LARP4B: variants seen among roughly 807,000 people sequenced by gnomAD.
LARP4B encodes the protein La ribonucleoprotein 4B.
LARP4B carries 12 observed loss-of-function variants against 89.8 expected under a neutral mutation model. The ratio of observed to expected loss-of-function variants is 0.13; its 90% confidence interval spans 0.09 to 0.22. The LOEUF is 0.22. LARP4B is among the 10% of genes least tolerant of loss of function. The pLI is 1.00. For synonymous variants in LARP4B, 367 were observed against 363.3 expected (o/e 1.01, Z -0.12); for missense variants, 757 against 947.7 (o/e 0.80, Z 2.64).
chr10:972,384 A>G, the LARP4B span: 1 of 420,852 alleles, frequency 2.4e-6, no homozygotes. Context: ...AGATGCTGGC[A>G]CCATGCTCTT....
chr10:859,906 C>T (rs1215300627), intron 5 of LARP4B, among the ~76,000 whole-genome samples: 1 of 151,816 alleles, frequency 6.6e-6, no homozygotes, highest in Non-Finnish European at 1.5e-5. Flanking sequence ...ACACAGATGA[C>T]TTTTAGGGCA....
chr10:905,777 C>T (rs1327422945), intron 1 of LARP4B, among the ~76,000 whole-genome samples: 1 of 152,148 alleles, frequency 6.6e-6, no homozygotes, highest in Non-Finnish European at 1.5e-5. Flanking sequence ...GAAGAGGCAG[C>T]TCTCAACTGT....
chr10:829,775 T>G (rs368093130), intron 9 of LARP4B, 41 bp from the exon 10 acceptor site: 8 of 1,449,524 alleles, frequency 5.5e-6, no homozygotes, highest in Non-Finnish European at 7.7e-6. Flanking sequence ...TCGATTAACC[T>G]TATGAATAAG....
the LARP4B span, chr10:987,094 A>T: frequency 6.6e-6 from 1 of 152,070 alleles, no homozygotes; most frequent in East Asian, 1.9e-4. Context: ...AAGAACCTAA[A>T]AGAAAGGGCA....
chr10:834,194 C>T (rs1379734365), intron 8 of LARP4B, among the ~76,000 whole-genome samples: 1 of 152,134 alleles, frequency 6.6e-6, no homozygotes, highest in Non-Finnish European at 1.5e-5. Context: ...AAACGGTTTC[C>T]AGGGATTCTA....
At chr10:863,666 T>C in intron 5 of LARP4B, 77 bp downstream of exon 5, 2 of 1,426,548 alleles carry the variant, frequency 1.4e-6, no homozygotes, top group South Asian at 1.4e-5. Context: ...GTGTAGAGAA[T>C]GTTAATACTC....
the LARP4B span, among the ~76,000 whole-genome samples, chr10:975,808 T>C: frequency 8.1e-5 from 12 of 147,798 alleles, no homozygotes; most frequent in Admixed American, 7.4e-4. Flanking sequence ...CCCGGCCTAG[T>C]AGAATGTAAG....
intron 3 of LARP4B, chr10:873,422 C>G (rs11253485): frequency 1.0e-6 from 1 of 984,566 alleles, no homozygotes; most frequent in Non-Finnish European, 1.2e-6. Flanking sequence ...TTTTTTCTTA[C>G]TCTCATAAAC....
At chr10:988,160 C>T in the LARP4B span, 2 of 311,650 alleles carry the variant, frequency 6.4e-6, no homozygotes, top group Admixed American at 5.3e-5. Context: ...GGGCCTGAAC[C>T]CGCTCCAGAA....
intron 1 of LARP4B, among the ~76,000 whole-genome samples, chr10:899,885 T>C (rs1564436993): frequency 1.3e-5 from 2 of 152,178 alleles, no homozygotes; most frequent in African/African-American, 4.8e-5. Flanking sequence ...TTAAGTACTA[T>C]ATAATCTCCT....
the LARP4B span, among the ~76,000 whole-genome samples, chr10:940,477 C>T: frequency 1.3e-5 from 2 of 152,162 alleles, no homozygotes; most frequent in Non-Finnish European, 2.9e-5. Flanking sequence ...TTAGTAGAAA[C>T]AGCGTTTTGC....
intron 3 of LARP4B, among the ~76,000 whole-genome samples, chr10:866,770 T>C (rs1279469738): frequency 6.6e-6 from 1 of 152,202 alleles, no homozygotes; most frequent in African/African-American, 2.4e-5. Flanking sequence ...TAACCTTCTC[T>C]ATTATTAGTA....
intron 17 of LARP4B, among the ~76,000 whole-genome samples, chr10:813,443 G>A (rs1383412086): frequency 6.6e-6 from 1 of 152,218 alleles, no homozygotes; most frequent in Non-Finnish European, 1.5e-5. Flanking sequence ...AAGGCATGAC[G>A]AAGAAGAGTG....
the LARP4B span, among the ~76,000 whole-genome samples, chr10:940,766 C>A: frequency 6.6e-6 from 1 of 152,006 alleles, no homozygotes; most frequent in Non-Finnish European, 1.5e-5. Flanking sequence ...TAGTCTCATC[C>A]TGGGGTGGCC....
intron 5 of LARP4B, among the ~76,000 whole-genome samples, chr10:854,988 G>A (rs2131799049): frequency 6.6e-6 from 1 of 152,272 alleles, no homozygotes; most frequent in East Asian, 1.9e-4. Context: ...TTTATGTTAT[G>A]GAGACTGCTT....
chr10:933,980 A>G (rs1830717940), upstream of LARP4B, among the ~76,000 whole-genome samples: 1 of 151,688 alleles, frequency 6.6e-6, no homozygotes, highest in Non-Finnish European at 1.5e-5. Context: ...CTACAGCCGC[A>G]TGCCACCACG....
chr10:864,034 T>A, intron 4 of LARP4B, 89 bp downstream of exon 4: 1 of 1,577,670 alleles, frequency 6.3e-7, no homozygotes, highest in Non-Finnish European at 8.6e-7. Context: ...CAGTTATGAA[T>A]GAACAACATC....
Position 849,236 on chromosome 10 carries a change from T to A in LARP4B, c.431-4181A>T, listed in dbSNP as rs751858188. Among the ~76,000 whole-genome samples, 5 of 152,138 alleles carry A rather than the reference T, an allele frequency of 3.3e-5. No homozygotes were observed. The South Asian group carries it at 1.0e-3, about 32-fold the overall frequency. ...GAAACAGAACACGTCTAGCACTCAA[T>A]CTTGGTTTCTGATATCACTGTCCAA... On this transcript the variant is annotated intron_variant, in intron 5 of 17. Coordinates refer to ENST00000316157, the MANE Select transcript of LARP4B (RefSeq NM_015155.3).
chr10:938,542 C>T, the LARP4B span, among the ~76,000 whole-genome samples: 54 of 152,264 alleles, frequency 3.5e-4, no homozygotes, highest in Admixed American at 1.1e-3. Context: ...CGTGAGCCAC[C>T]GCGCCCGGCC....
Sources: allele counts gnomAD v4.1 joint callset (sites outside exome capture counted in the v4.1 genomes callset), GRCh38; gene constraint gnomAD v4.1.1; transcripts MANE v1.5; gene names NCBI Gene and HGNC (gene_info 2026-07-23, HGNC 2026-07-21).